The following IL1R1 variants were observed in gnomAD, a reference collection of about 807,000 sequenced individuals.
IL1R1 encodes interleukin 1 receptor type 1, also known as interleukin-1 receptor type 1.
Under a neutral mutation model 50.2 loss-of-function variants are expected in IL1R1, and 22 were observed. The observed-to-expected ratio is 0.44, with a 90% CI of 0.31 to 0.63. IL1R1 has a LOEUF of 0.63. IL1R1 is among the 20% of genes least tolerant of loss of function. The pLI is 0.07. For missense variants in IL1R1, 509 were observed against 676.2 expected, an observed-to-expected ratio of 0.75 and a Z score of 2.74; for synonymous variants, 251 against 236.7, an observed-to-expected ratio of 1.06 and a Z score of -0.55.
intron 1 of IL1R1, among the ~76,000 whole-genome samples, chr2:102,083,317 A>G (rs1250732987): frequency 6.6e-6 from 1 of 152,196 alleles, no homozygotes; most frequent in Non-Finnish European, 1.5e-5. Context: ...TCGTACTGAC[A>G]GTGTCTAGAA....
In IL1R1 at chr2:102,131,498, A is replaced by G. The variant is rs76585394; in HGVS notation, c.-83-22443A>G. 6.0e-3 allele frequency among the ~76,000 whole-genome samples: 917 copies of G among 152,336 alleles called. 12 individuals carry two copies. The highest frequency in any genetic ancestry group is 0.021 in the African/African-American group (892 of 41,570). On this transcript the variant is annotated intron_variant, in intron 1 of 10. Transcript: ENST00000409329. ...CCATAAACACAGAGGTAAGTAGAGA[A>G]ACAAAAGACGTGAAAATGCCTGCGT...
chr2:102,139,913 G>T (rs531365392), upstream of IL1R1, among the ~76,000 whole-genome samples: 1 of 152,220 alleles, frequency 6.6e-6, no homozygotes, highest in Non-Finnish European at 1.5e-5. Flanking sequence ...ATGTAGGAAT[G>T]GCCTAACACA....
chr2:102,098,788 T>G (rs1680012628), intron 1 of IL1R1, among the ~76,000 whole-genome samples: 1 of 152,226 alleles, frequency 6.6e-6, no homozygotes, highest in Admixed American at 6.5e-5. Flanking sequence ...ATGTCCCATA[T>G]CTTCTGTGCT....
Position 102,094,004 on chromosome 2 carries a change from G to GAAAAC in IL1R1, c.-84+23487_-84+23491dup, listed in dbSNP as rs572363888. Among the ~76,000 whole-genome samples the GAAAAC allele has an allele frequency of 1.6e-3, 251 of 152,246 alleles. 1 individual carries two copies. Among genetic ancestry groups the GAAAAC allele is most frequent in the African/African-American group, 5.6e-3 (231 of 41,546 alleles). On this transcript the variant is annotated intron_variant, in intron 1 of 11. Coordinates refer to the IL1R1 transcript ENST00000409929. ...GAAATACACCATGATCTGCCCTGGG[G>GAAAAC]AAAACAAAACAAAACAAAACCAACC...
chr2:102,153,961 T>C lies in IL1R1; in HGVS notation c.-63T>C, dbSNP rs1181733249. ...CCCAGGTAGACGCACCCTCTGAAGA[T>C]GGTGACTCCCTCCTGAGAAGCTGGA... On this transcript the variant is annotated 5_prime_UTR_variant, in exon 2 of 12. An upstream start codon of the reference 5' UTR is lost. Coordinates refer to ENST00000410023, the MANE Select transcript of IL1R1 (RefSeq NM_000877.4). 1 of 152,318 alleles carries C rather than the reference T, an allele frequency of 6.6e-6. No individual in the cohort carries two copies. Among genetic ancestry groups the C allele is most frequent in the East Asian group, 1.9e-4 (1 of 5,318 alleles). 9.4% of individuals were successfully genotyped at this position (152,318 alleles called of 1,614,324 possible). A position where few individuals can be genotyped will look rare whatever the true frequency, so the allele number is the denominator to read the frequency against.
chr2:102,176,528 C>T lies in IL1R1; in HGVS notation c.1479C>T (p.Ile493=). 6.2e-7 allele frequency: 1 copy of T among 1,614,126 alleles called. No individual in the cohort carries two copies. Among genetic ancestry groups the T allele is most frequent in the South Asian group, 1.1e-5 (1 of 91,080 alleles). Residue 493 remains isoleucine (I), a synonymous_variant, in exon 12 of 12, where the codon ATC becomes ATT. Transcript: ENST00000410023. The part of the protein sequence containing the change: ...IKVVLLELEK[I]QDYEKMPESI... ...TTGTCCTGCTTGAGCTGGAGAAAAT[C>T]CAAGACTATGAGAAAATGCCAGAAT...
intron 1 of IL1R1, among the ~76,000 whole-genome samples, chr2:102,082,740 T>C (rs1679270565): frequency 6.6e-6 from 1 of 152,326 alleles, no homozygotes; most frequent in South Asian, 2.1e-4. Flanking sequence ...AGCAGGGCTG[T>C]CTTCACTGAG....
At chr2:102,115,232 GC>G (rs1411757549) in intron 1 of IL1R1, among the ~76,000 whole-genome samples, 4 of 152,124 alleles carry the variant, frequency 2.6e-5, no homozygotes, top group Non-Finnish European at 5.9e-5. Flanking sequence ...GTAGACAGTT[GC>G]CGAGTCAGTA....
intron 3 of IL1R1, among the ~76,000 whole-genome samples, chr2:102,158,842 A>C (rs1419283497): frequency 2.0e-5 from 3 of 152,184 alleles, no homozygotes; most frequent in African/African-American, 7.2e-5. Flanking sequence ...CAAAGAGAGA[A>C]ATAGAGAAGC....
At chr2:102,145,472 C>A (rs1683037985) in intron 1 of IL1R1, among the ~76,000 whole-genome samples, 2 of 152,196 alleles carry the variant, frequency 1.3e-5, no homozygotes, top group Admixed American at 6.5e-5. Context: ...CAGTCGCCTG[C>A]ATGTTGGATT....
chr2:102,116,460 A>G (rs973205039), intron 1 of IL1R1, among the ~76,000 whole-genome samples: 1 of 152,256 alleles, frequency 6.6e-6, no homozygotes, highest in Non-Finnish European at 1.5e-5. Flanking sequence ...AGATTTTGGC[A>G]TAAATGGCTG....
intron 1 of IL1R1, among the ~76,000 whole-genome samples, chr2:102,082,192 T>A (rs1357315967): frequency 6.6e-6 from 1 of 152,032 alleles, no homozygotes; most frequent in Admixed American, 6.6e-5. Flanking sequence ...TTCCTATACA[T>A]TGCCTTAATT....
chr2:102,141,492 T>A (rs35743441), upstream of IL1R1, among the ~76,000 whole-genome samples: 23,554 of 152,212 alleles, frequency 0.15, 1,985 homozygotes, highest in South Asian at 0.2. Flanking sequence ...CCATAAAAGC[T>A]TCTGGAAACA....
intron 1 of IL1R1, among the ~76,000 whole-genome samples, chr2:102,108,239 T>TGG (rs759449456): frequency 1.3e-5 from 2 of 150,196 alleles, no homozygotes; most frequent in African/African-American, 5.0e-5. Flanking sequence ...TGTGTGTGTG[T>TGG]GTGGGGGGGG....
chr2:102,092,641 G>A (rs1010014410), intron 1 of IL1R1, among the ~76,000 whole-genome samples: 3 of 151,968 alleles, frequency 2.0e-5, no homozygotes, highest in Admixed American at 6.6e-5. Flanking sequence ...AATTTTGCAC[G>A]CCTCATATAA....
At chr2:102,118,499 A>G (rs558160329) in intron 1 of IL1R1, among the ~76,000 whole-genome samples, 2 of 152,328 alleles carry the variant, frequency 1.3e-5, no homozygotes, top group Admixed American at 1.3e-4. Flanking sequence ...ACAGCTGGTC[A>G]GTCAGACATA....
intron 1 of IL1R1, among the ~76,000 whole-genome samples, chr2:102,083,027 G>C (rs1310195678): frequency 1.3e-5 from 2 of 152,144 alleles, no homozygotes; most frequent in Non-Finnish European, 2.9e-5. Flanking sequence ...ATGAGGACCA[G>C]AGGGGGCCAC....
chr2:102,147,032 C>T (rs1161818334), intron 1 of IL1R1, among the ~76,000 whole-genome samples: 1 of 152,148 alleles, frequency 6.6e-6, no homozygotes, highest in Non-Finnish European at 1.5e-5. Context: ...CATGTCTAAG[C>T]CAGCCATCAG....
At chr2:102,072,246 C>T (rs951775116) in intron 1 of IL1R1, among the ~76,000 whole-genome samples, 5 of 141,250 alleles carry the variant, frequency 3.5e-5, no homozygotes, top group African/African-American at 5.3e-5. Flanking sequence ...GGTGACAGAG[C>T]AAGACTCTGT....
Sources: gnomAD v4.1 joint callset for allele counts (sites outside exome capture counted in the v4.1 genomes callset) on GRCh38, gnomAD v4.1.1 for gene constraint, MANE v1.5 for transcripts, NCBI Gene and HGNC (gene_info 2026-07-23, HGNC 2026-07-21) for gene names.